GSTCD: variants seen among roughly 807,000 people sequenced by gnomAD.
The protein encoded by GSTCD is glutathione S-transferase C-terminal domain containing, also known as glutathione S-transferase C-terminal domain-containing protein.
A neutral mutation model predicts 68.3 loss-of-function variants in GSTCD; 44 were observed. The ratio of observed to expected loss-of-function variants is 0.64; its 90% CI spans 0.51 to 0.83. The LOEUF (loss-of-function observed/expected upper bound fraction) is 0.83, where lower values mean the gene tolerates loss of function less well. Among genes scored for constraint, GSTCD ranks in the 40% least tolerant of loss-of-function variants. The pLI, the probability that GSTCD is intolerant of heterozygous loss-of-function variation, is 0.00. For missense variants in GSTCD, 739 were observed against 735.9 expected, an observed-to-expected ratio of 1.00 and a Z score of -0.05; for synonymous variants, 273 against 255.2, an observed-to-expected ratio of 1.07 and a Z score of -0.67.
At chr4:105,833,629 C>G (rs559667728) in intron 8 of GSTCD, among the ~76,000 whole-genome samples, 1 of 152,152 alleles carries the variant, frequency 6.6e-6, no homozygotes, top group East Asian at 1.9e-4. Context: ...TTGTCAAAAT[C>G]CAGTACAGGT....
chr4:105,760,473 T>C (rs1317083487), intron 5 of GSTCD, among the ~76,000 whole-genome samples: 1 of 152,218 alleles, frequency 6.6e-6, no homozygotes, highest in Non-Finnish European at 1.5e-5. Flanking sequence ...TTTTACCAAC[T>C]GCATTGCATT....
intron 5 of GSTCD, among the ~76,000 whole-genome samples, chr4:105,814,765 T>C (rs1489163938): frequency 9.8e-5 from 15 of 152,332 alleles, no homozygotes; most frequent in Non-Finnish European, 1.5e-5. Flanking sequence ...ACCCCATCCA[T>C]GCCTGTAGCT....
chr4:105,740,216 C>T (rs1400197743), intron 5 of GSTCD, among the ~76,000 whole-genome samples: 1 of 152,048 alleles, frequency 6.6e-6, no homozygotes, highest in Admixed American at 6.5e-5. Context: ...ATGCGGACTA[C>T]AGGCAGCTCC....
intron 3 of GSTCD, among the ~76,000 whole-genome samples, chr4:105,725,721 A>G (rs1318786156): frequency 6.6e-6 from 1 of 152,144 alleles, no homozygotes; most frequent in East Asian, 1.9e-4. Context: ...GAAATGAATC[A>G]TAAAAACGTA....
intron 5 of GSTCD, among the ~76,000 whole-genome samples, chr4:105,749,417 C>T (rs999415158): frequency 1.3e-5 from 2 of 151,494 alleles, no homozygotes; most frequent in African/African-American, 4.8e-5. Context: ...AAAAGAGCAA[C>T]AGAATCACTC....
At chr4:105,801,984 G>A (rs1736122327) in intron 5 of GSTCD, among the ~76,000 whole-genome samples, 1 of 151,972 alleles carries the variant, frequency 6.6e-6, no homozygotes, top group South Asian at 2.1e-4. Flanking sequence ...ATTAACATTT[G>A]TAAGCACACT....
intron 5 of GSTCD, among the ~76,000 whole-genome samples, chr4:105,773,474 CT>C (rs1450679893): frequency 6.6e-6 from 1 of 152,142 alleles, no homozygotes; most frequent in Non-Finnish European, 1.5e-5. Flanking sequence ...TAGATCTTTC[CT>C]GCTTTCTCCT....
intron 5 of GSTCD, among the ~76,000 whole-genome samples, chr4:105,805,163 C>A (rs2149263781): frequency 6.6e-6 from 1 of 152,050 alleles, no homozygotes; most frequent in South Asian, 2.1e-4. Context: ...TAATCTGAAA[C>A]CCATATGGAA....
intron 5 of GSTCD, among the ~76,000 whole-genome samples, chr4:105,751,734 AAGG>A (rs3055933): frequency 0.2 from 30,337 of 151,906 alleles, 5,854 homozygotes; most frequent in African/African-American, 0.51. Context: ...GTTCATGGAG[AAGG>A]AGAAGTAGGG....
rs530171955 is a variant in GSTCD at position 105,798,826 on chromosome 4, TAA to T, written c.1241-24126_1241-24125del. Among the ~76,000 whole-genome samples the T allele has an allele frequency of 4.6e-5, 7 of 152,318 alleles. No homozygotes were observed. In the East Asian group the frequency reaches 1.3e-3, roughly 29 times the overall value. On this transcript the variant is annotated intron_variant, in intron 5 of 11. Coordinates refer to ENST00000515279, the MANE Select transcript of GSTCD (RefSeq NM_001370181.1). ...TGGTAAATGAGCATTGGCTTCAACA[TAA>T]AGTCTCCAGCTGTATGAGTCCCTAA...
intron 10 of GSTCD, among the ~76,000 whole-genome samples, chr4:105,841,378 A>G (rs767753649): frequency 3.3e-5 from 5 of 152,184 alleles, no homozygotes; most frequent in Middle Eastern, 3.4e-3. Flanking sequence ...CTAGAACCAC[A>G]TTCCAGAGTT....
chr4:105,824,221 T>C (rs1723470906), intron 7 of GSTCD, among the ~76,000 whole-genome samples: 1 of 152,174 alleles, frequency 6.6e-6, no homozygotes, highest in South Asian at 2.1e-4. Context: ...TAGCATTCTT[T>C]TATTTTTCTT....
At chr4:105,825,465 A>G (rs1387173389) in intron 7 of GSTCD, among the ~76,000 whole-genome samples, 2 of 151,954 alleles carry the variant, frequency 1.3e-5, no homozygotes, top group Non-Finnish European at 2.9e-5. Context: ...CACTTATATC[A>G]CTATGCTTCA....
At chr4:105,801,426 G>A (rs1293749702) in intron 5 of GSTCD, among the ~76,000 whole-genome samples, 3 of 151,986 alleles carry the variant, frequency 2.0e-5, no homozygotes, top group South Asian at 2.1e-4. Flanking sequence ...ATATCAAGAC[G>A]GAATGAGTGC....
intron 1 of GSTCD, among the ~76,000 whole-genome samples, chr4:105,716,265 G>C (rs192024819): frequency 2.0e-5 from 3 of 152,108 alleles, no homozygotes; most frequent in African/African-American, 7.2e-5. Flanking sequence ...GTGGGGATTG[G>C]GGTTTGTGAT....
At chr4:105,804,908 C>T (rs1446290266) in intron 5 of GSTCD, among the ~76,000 whole-genome samples, 2 of 152,140 alleles carry the variant, frequency 1.3e-5, no homozygotes. Context: ...GTTTTCTGTT[C>T]CTGTGTTAGT....
At chr4:105,728,669 CTAGATA>C (rs758465092) in intron 4 of GSTCD, among the ~76,000 whole-genome samples, 1 of 131,840 alleles carries the variant, frequency 7.6e-6, no homozygotes, top group Non-Finnish European at 1.6e-5. Flanking sequence ...ATGGAGATAT[CTAGATA>C]TAGATATATA....
rs760865989 is a variant in GSTCD at position 105,834,466 on chromosome 4, A to T, written c.1536A>T (p.Ala512=). The T allele has an allele frequency of 9.9e-6, 16 of 1,613,466 alleles. No homozygotes were observed. The highest frequency in any genetic ancestry group is 1.2e-5 in the Non-Finnish European group (14 of 1,179,778). ...YFTGMFNIGV[A]LHACGVATDM... Reference sequence around the variant, plus strand: ...GGCCTGGTTTTATTTTGTAGGTAGCATTGCATGCTTGTGGAGTGGCAACAG... The same window carrying T: ...GGCCTGGTTTTATTTTGTAGGTAGCTTTGCATGCTTGTGGAGTGGCAACAG... Residue 512 remains alanine, a synonymous_variant, in exon 9 of 12, where the codon GCA becomes GCT. Coordinates refer to ENST00000515279, the MANE Select transcript of GSTCD (RefSeq NM_001370181.1).
chr4:105,807,432 A>G (rs1161726265), intron 5 of GSTCD: 2 of 152,104 alleles, frequency 1.3e-5, no homozygotes, highest in African/African-American at 4.8e-5. Context: ...TGAATATGCA[A>G]TAACCAATCA....
Sources: gnomAD v4.1 joint callset for allele counts (sites outside exome capture counted in the v4.1 genomes callset) on GRCh38, gnomAD v4.1.1 for gene constraint, MANE v1.5 for transcripts, NCBI Gene and HGNC (gene_info 2026-07-23, HGNC 2026-07-21) for gene names.